RHOBTB1: variants seen among roughly 807,000 people sequenced by gnomAD.
The protein encoded by RHOBTB1 is rho-related BTB domain-containing protein 1.
Under a neutral mutation model 71.6 loss-of-function variants are expected in RHOBTB1, and 40 were observed. The observed-to-expected ratio is 0.56, with a 90% CI of 0.43 to 0.73. RHOBTB1 has a LOEUF of 0.73. Among genes scored for constraint, RHOBTB1 ranks in the 30% least tolerant of loss-of-function variants. RHOBTB1 has a pLI of 0.00. For synonymous variants in RHOBTB1, 319 were observed against 334.9 expected, an observed-to-expected ratio of 0.95 and a Z score of 0.52; for missense variants, 797 against 894.0, an observed-to-expected ratio of 0.89 and a Z score of 1.38.
At chr10:60,883,729 C>T (rs913399924) in intron 7 of RHOBTB1, among the ~76,000 whole-genome samples, 7 of 152,182 alleles carry the variant, frequency 4.6e-5, no homozygotes, top group African/African-American at 9.6e-5. Flanking sequence ...ATAAGTCCAG[C>T]GGCAGCTACT....
At chr10:60,935,363 T>C (rs12413154) in intron 2 of RHOBTB1, among the ~76,000 whole-genome samples, 72,360 of 151,954 alleles carry the variant, frequency 0.48, 17,967 homozygotes, top group East Asian at 0.74. Flanking sequence ...GGCTTCTGGG[T>C]GCTGGTAATG....
intron 3 of RHOBTB1, 106 bp downstream of exon 3, chr10:60,911,245 T>C: frequency 8.6e-7 from 1 of 1,164,124 alleles, no homozygotes; most frequent in Non-Finnish European, 1.2e-6. Flanking sequence ...AAGGTTAGTT[T>C]TGTTTTGAAT....
At chr10:60,996,214 G>A (rs2087043151) in intron 1 of RHOBTB1, among the ~76,000 whole-genome samples, 2 of 152,120 alleles carry the variant, frequency 1.3e-5, no homozygotes, top group Non-Finnish European at 2.9e-5. Context: ...ACATATCAAT[G>A]AAGACTCTTT....
At chr10:60,934,371 C>T (rs572475562) in intron 2 of RHOBTB1, among the ~76,000 whole-genome samples, 5 of 152,076 alleles carry the variant, frequency 3.3e-5, no homozygotes, top group Admixed American at 1.3e-4. Context: ...GAACTAATAC[C>T]TCAATAGGCC....
chr10:60,929,323 A>T (rs1324778244), intron 2 of RHOBTB1, among the ~76,000 whole-genome samples: 1 of 152,216 alleles, frequency 6.6e-6, no homozygotes, highest in Non-Finnish European at 1.5e-5. Flanking sequence ...TGAAAAATTA[A>T]AAAAACAGAT....
chr10:60,982,246 T>C (rs923498663), intron 2 of RHOBTB1, among the ~76,000 whole-genome samples: 1 of 152,302 alleles, frequency 6.6e-6, no homozygotes, highest in South Asian at 2.1e-4. Context: ...CACCTATATA[T>C]TGGCCACTTC....
intron 4 of RHOBTB1, among the ~76,000 whole-genome samples, chr10:60,905,945 T>C (rs1021811870): frequency 2.0e-5 from 3 of 152,196 alleles, no homozygotes; most frequent in African/African-American, 7.2e-5. Context: ...AACTGTGCAT[T>C]GAGAATGGGG....
In RHOBTB1 at chr10:60,872,211, C is replaced by A. The variant is rs771766765; in HGVS notation, c.1895G>T (p.Arg632Leu). ...TNYNSVCSKF[R>L]KEIKSKSADN... Reference sequence around the variant, plus strand: ...TGCAGATTTTGATTTGATTTCCTTACGGAACTTGGAGCATACACTGTTGTA... The same window carrying A: ...TGCAGATTTTGATTTGATTTCCTTAAGGAACTTGGAGCATACACTGTTGTA... Residue 632 changes from arginine (R) to leucine (L), a missense_variant, in exon 10 of 11, where the codon CGT becomes CTT. By Grantham distance (102) the Arg-to-Leu change is moderately radical (BLOSUM62 -2). Around this residue, in one of 2 missense-constraint regions of RHOBTB1, gnomAD observed 658 missense variants for 681.5 expected, o/e 0.97. Transcript: ENST00000337910. The A allele has an allele frequency of 6.2e-7, 1 of 1,613,928 alleles. No homozygotes were observed. Among genetic ancestry groups the A allele is most frequent in the Non-Finnish European group, 8.5e-7 (1 of 1,179,836 alleles).
intron 2 of RHOBTB1, among the ~76,000 whole-genome samples, chr10:60,975,168 G>T (rs1397745057): frequency 2.0e-5 from 3 of 152,012 alleles, no homozygotes; most frequent in Non-Finnish European, 4.4e-5. Context: ...ATAAATCCAG[G>T]TATATGGGAA....
At chr10:60,991,333 G>A (rs1223791482) in intron 1 of RHOBTB1, among the ~76,000 whole-genome samples, 1 of 152,032 alleles carries the variant, frequency 6.6e-6, no homozygotes, top group Non-Finnish European at 1.5e-5. Context: ...TCTTGATATG[G>A]CTAAAAAGGC....
At chr10:60,966,509 A>T (rs80033385) in intron 2 of RHOBTB1, among the ~76,000 whole-genome samples, 1 of 142,824 alleles carries the variant, frequency 7.0e-6, no homozygotes, top group South Asian at 2.2e-4. Context: ...ATCTCTAATT[A>T]AAAAAAAAAA....
At chr10:60,907,986 C>T (rs1286888032) in intron 4 of RHOBTB1, among the ~76,000 whole-genome samples, 1 of 152,224 alleles carries the variant, frequency 6.6e-6, no homozygotes, top group African/African-American at 2.4e-5. Context: ...GTTGGCAAAG[C>T]ACCTAATGTG....
chr10:60,890,249 C>G (rs1256408090), intron 5 of RHOBTB1, among the ~76,000 whole-genome samples: 2 of 152,000 alleles, frequency 1.3e-5, no homozygotes, highest in Admixed American at 1.3e-4. Context: ...TTCAAGCCTT[C>G]TTTTGCTTGG....
At chr10:60,965,409 T>C (rs2085923307) in intron 2 of RHOBTB1, among the ~76,000 whole-genome samples, 1 of 152,110 alleles carries the variant, frequency 6.6e-6, no homozygotes, top group South Asian at 2.1e-4. Flanking sequence ...AAAAAATGCT[T>C]TGGCAATTTA....
chr10:60,966,304 G>GA (rs143857492), intron 2 of RHOBTB1, among the ~76,000 whole-genome samples: 82 of 137,850 alleles, frequency 5.9e-4, no homozygotes, highest in Middle Eastern at 3.8e-3. Flanking sequence ...GATTATATTC[G>GA]AAAAAAAAAA....
At chr10:60,967,989 G>A (rs988949050) in intron 2 of RHOBTB1, among the ~76,000 whole-genome samples, 7 of 152,054 alleles carry the variant, frequency 4.6e-5, no homozygotes, top group African/African-American at 1.7e-4. Flanking sequence ...ATTTAGCGCT[G>A]GAGGGAAAGA....
At chr10:60,867,101 C>A (rs1564709272), downstream of RHOBTB1, among the ~76,000 whole-genome samples, 1 of 152,156 alleles carries the variant, frequency 6.6e-6, no homozygotes, top group East Asian at 1.9e-4. Flanking sequence ...TCTCATTTAA[C>A]TTGTACTGAA....
chr10:60,903,436 G>C (rs1358491221), intron 4 of RHOBTB1, among the ~76,000 whole-genome samples: 2 of 152,146 alleles, frequency 1.3e-5, no homozygotes, highest in African/African-American at 2.4e-5. Flanking sequence ...TTTCTAGTCA[G>C]AGTGACTGGG....
chr10:60,863,088 G>C, the RHOBTB1 span, among the ~76,000 whole-genome samples: 1 of 152,092 alleles, frequency 6.6e-6, no homozygotes, highest in African/African-American at 2.4e-5. Context: ...GGTGATGATG[G>C]GGGTGGTGGA....
Sources: gnomAD v4.1 joint callset for allele counts (sites outside exome capture counted in the v4.1 genomes callset) on GRCh38, gnomAD v4.1.1 for gene constraint, gnomAD v4.1.1 regional missense constraint, MANE v1.5 for transcripts, NCBI Gene and HGNC (gene_info 2026-07-23, HGNC 2026-07-21) for gene names.